The following CACUL1 variants were observed in gnomAD, a reference collection of about 807,000 sequenced individuals.
CACUL1 encodes CDK2-associated and cullin domain-containing protein 1.
CACUL1 carries 13 observed loss-of-function variants against 45.2 expected under a neutral mutation model. That is an observed-to-expected ratio of 0.29 (90% CI 0.19 to 0.46). The LOEUF is 0.46. Among genes scored for constraint, CACUL1 ranks in the 20% least tolerant of loss-of-function variants. The probability of loss-of-function intolerance (pLI) is 1.00; values close to 1 mark genes in which losing one functional copy is unlikely to be tolerated. For synonymous variants in CACUL1, 197 were observed against 174.2 expected, an observed-to-expected ratio of 1.13 and a Z score of -1.03; for missense variants, 421 against 471.4, an observed-to-expected ratio of 0.89 and a Z score of 0.99.
chr10:118,678,359 C>T lies in CACUL1; in HGVS notation c.*7769G>A, dbSNP rs2119522117. 1 of 152,302 alleles carries T rather than the reference C, an allele frequency of 6.6e-6. No homozygotes were observed. Among genetic ancestry groups the T allele is most frequent in the Non-Finnish European group, 1.5e-5 (1 of 68,024 alleles). The allele number at this position is 152,302 out of a possible 1,614,324, so 9.4% of individuals were successfully genotyped here. ...TTGTTGATGAAATTCTTCCCTACTC[C>T]AAAGTCATTGTTTTAATCACTACCT... On this transcript the variant is annotated 3_prime_UTR_variant, in exon 9 of 9. Coordinates refer to ENST00000369151, the MANE Select transcript of CACUL1 (RefSeq NM_153810.5).
chr10:118,728,022 C>T (rs1291761582), intron 3 of CACUL1, among the ~76,000 whole-genome samples: 4 of 151,968 alleles, frequency 2.6e-5, no homozygotes, highest in African/African-American at 9.7e-5. Context: ...TTATAGTTAG[C>T]GGCAAAAAGA....
At chr10:118,694,268 T>A (rs925013666) in intron 6 of CACUL1, among the ~76,000 whole-genome samples, 8 of 152,176 alleles carry the variant, frequency 5.3e-5, no homozygotes, top group Admixed American at 6.5e-5. Context: ...AAACAAGCCA[T>A]CAATTAATTA....
At chr10:118,705,456 T>C (rs968790837) in intron 4 of CACUL1, among the ~76,000 whole-genome samples, 3 of 152,222 alleles carry the variant, frequency 2.0e-5, no homozygotes, top group Non-Finnish European at 2.9e-5. Flanking sequence ...AGCATTTTAA[T>C]GTACCCTTTC....
intron 3 of CACUL1, among the ~76,000 whole-genome samples, chr10:118,725,615 G>C (rs536386201): frequency 1.3e-5 from 2 of 152,222 alleles, no homozygotes; most frequent in East Asian, 3.9e-4. Context: ...ATAATAGTAA[G>C]GAGAACACTA....
chr10:118,729,000 T>A (rs1845675729), intron 3 of CACUL1, among the ~76,000 whole-genome samples: 1 of 152,132 alleles, frequency 6.6e-6, no homozygotes, highest in African/African-American at 2.4e-5. Context: ...CACCAAATAT[T>A]GACATTGACA....
At chr10:118,743,683 C>T (rs1014006528) in intron 1 of CACUL1, among the ~76,000 whole-genome samples, 18 of 151,822 alleles carry the variant, frequency 1.2e-4, no homozygotes, top group Admixed American at 3.3e-4. Context: ...GAGCTGAGAT[C>T]GCGCCACTGC....
chr10:118,691,004 T>C (rs2119550168), intron 7 of CACUL1, among the ~76,000 whole-genome samples: 1 of 152,282 alleles, frequency 6.6e-6, no homozygotes, highest in East Asian at 1.9e-4. Context: ...TAAGCCGAGA[T>C]TGTGCCACTG....
intron 1 of CACUL1, among the ~76,000 whole-genome samples, chr10:118,738,264 G>C (rs897987645): frequency 3.3e-5 from 5 of 152,200 alleles, no homozygotes; most frequent in African/African-American, 1.2e-4. Flanking sequence ...AAAAAGAACC[G>C]AGAAGGATTA....
chr10:118,698,728 G>C (rs1052002054), intron 5 of CACUL1, among the ~76,000 whole-genome samples: 3 of 152,130 alleles, frequency 2.0e-5, no homozygotes, highest in African/African-American at 7.2e-5. Context: ...ACAGAGATAA[G>C]CTACCCCACC....
rs1316052786 is a variant in CACUL1 at position 118,683,882 on chromosome 10, G to C, written c.*2246C>G. 2 of 152,106 alleles carry C rather than the reference G, an allele frequency of 1.3e-5. No homozygotes were observed. The highest frequency in any genetic ancestry group is 4.8e-5 in the African/African-American group (2 of 41,408). The allele number at this position is 152,106 out of a possible 1,614,324, so 9.4% of individuals were successfully genotyped here. ...TCCTTCAAACTGTGATGTGCCTCAA[G>C]GGGCCAAGATGATTAACAGCCAGGA... On this transcript the variant is annotated 3_prime_UTR_variant, in exon 9 of 9. Coordinates refer to ENST00000369151, the MANE Select transcript of CACUL1 (RefSeq NM_153810.5).
intron 1 of CACUL1, among the ~76,000 whole-genome samples, chr10:118,738,665 C>T (rs1397572609): frequency 1.3e-5 from 2 of 151,966 alleles, no homozygotes; most frequent in East Asian, 3.9e-4. Flanking sequence ...ATTATAAACA[C>T]AGAGCTAGCA....
chr10:118,731,009 C>T (rs1015122092), intron 1 of CACUL1, among the ~76,000 whole-genome samples: 3 of 152,168 alleles, frequency 2.0e-5, no homozygotes, highest in Non-Finnish European at 4.4e-5. Context: ...ATAAGCCCAA[C>T]AGAAAAGAAG....
At chr10:118,727,475 TTAC>T (rs1845662642) in intron 3 of CACUL1, among the ~76,000 whole-genome samples, 1 of 151,576 alleles carries the variant, frequency 6.6e-6, no homozygotes, top group Non-Finnish European at 1.5e-5. Context: ...ATAAGAATCA[TTAC>T]TATATTAATA....
At chr10:118,734,619 G>T (rs139770327) in intron 1 of CACUL1, among the ~76,000 whole-genome samples, 1 of 152,196 alleles carries the variant, frequency 6.6e-6, no homozygotes, top group Admixed American at 6.5e-5. Flanking sequence ...CAGGCCTGGT[G>T]CAAGAATAAG....
intron 1 of CACUL1, among the ~76,000 whole-genome samples, chr10:118,746,747 AAAC>A (rs1165069855): frequency 1.3e-5 from 2 of 152,282 alleles, no homozygotes; most frequent in African/African-American, 4.8e-5. Context: ...ACATTAAGAC[AAAC>A]AACAAAAGAA....
intron 5 of CACUL1, among the ~76,000 whole-genome samples, chr10:118,695,805 G>A (rs1293761426): frequency 1.3e-5 from 2 of 152,236 alleles, no homozygotes; most frequent in African/African-American, 2.4e-5. Flanking sequence ...GTTATCTACT[G>A]CCACACAAAC....
chr10:118,712,329 C>T (rs1335104817), intron 3 of CACUL1, among the ~76,000 whole-genome samples: 1 of 151,940 alleles, frequency 6.6e-6, no homozygotes. Flanking sequence ...ACTCCAAGAA[C>T]CAAAGGGCCC....
chr10:118,711,118 C>T (rs532536099), intron 3 of CACUL1, among the ~76,000 whole-genome samples: 1 of 152,358 alleles, frequency 6.6e-6, no homozygotes, highest in East Asian at 1.9e-4. Context: ...CTTGCTCTGT[C>T]ACCCAAGCTG....
chr10:118,715,755 T>C (rs1461331495), intron 3 of CACUL1, among the ~76,000 whole-genome samples: 1 of 152,172 alleles, frequency 6.6e-6, no homozygotes, highest in Middle Eastern at 3.2e-3. Flanking sequence ...ATTAAGAATA[T>C]GTGCTTTTAT....
Sources: allele counts gnomAD v4.1 joint callset (sites outside exome capture counted in the v4.1 genomes callset), GRCh38; gene constraint gnomAD v4.1.1; transcripts MANE v1.5; gene names NCBI Gene and HGNC (gene_info 2026-07-23, HGNC 2026-07-21).